SH2D4B: variants seen among roughly 807,000 people sequenced by gnomAD.
SH2D4B encodes the protein SH2 domain-containing protein 4B.
In SH2D4B, 45 loss-of-function variants were observed where a neutral mutation model predicts 61.5. The ratio of observed to expected loss-of-function variants is 0.73; its 90% CI spans 0.58 to 0.94. The LOEUF (loss-of-function observed/expected upper bound fraction) is 0.94, where lower values mean the gene tolerates loss of function less well. Ranked by LOEUF, SH2D4B falls within the 40% of genes least tolerant of loss-of-function variation. The probability of loss-of-function intolerance (pLI) is 0.00; values close to 1 mark genes in which losing one functional copy is unlikely to be tolerated. For missense variants in SH2D4B, 572 were observed against 574.2 expected (o/e 1.00, Z 0.04); for synonymous variants, 224 against 220.4 (o/e 1.02, Z -0.14).
At chr10:80,611,916 G>A (rs975950313) in intron 6 of SH2D4B, among the ~76,000 whole-genome samples, 2 of 151,970 alleles carry the variant, frequency 1.3e-5, no homozygotes, top group Non-Finnish European at 2.9e-5. Flanking sequence ...AAAAGTTGCT[G>A]TTACACAGGC....
intron 3 of SH2D4B, among the ~76,000 whole-genome samples, chr10:80,585,912 C>T (rs953475109): frequency 4.0e-4 from 60 of 151,818 alleles, no homozygotes; most frequent in Non-Finnish European, 8.8e-5. Context: ...CTGCACGTGG[C>T]GCTTGCGGGC....
At chr10:80,589,659 A>T (rs1052822597) in intron 4 of SH2D4B, among the ~76,000 whole-genome samples, 1 of 152,192 alleles carries the variant, frequency 6.6e-6, no homozygotes, top group Non-Finnish European at 1.5e-5. Flanking sequence ...CAGCAGACAG[A>T]TATATAGACT....
intron 3 of SH2D4B, among the ~76,000 whole-genome samples, chr10:80,571,842 G>A (rs910428351): frequency 2.0e-5 from 3 of 147,646 alleles, no homozygotes; most frequent in African/African-American, 7.5e-5. Flanking sequence ...GCGCAGTCTC[G>A]GCTCACTGCA....
intron 7 of SH2D4B, among the ~76,000 whole-genome samples, chr10:80,637,691 A>G (rs979835484): frequency 1.3e-5 from 2 of 152,226 alleles, no homozygotes; most frequent in Non-Finnish European, 2.9e-5. Context: ...TTGGGCTGAG[A>G]TGATGGGGTT....
intron 3 of SH2D4B, among the ~76,000 whole-genome samples, chr10:80,579,326 C>T (rs17107067): frequency 0.017 from 2,631 of 152,180 alleles, 65 homozygotes; most frequent in African/African-American, 0.059. Flanking sequence ...AGCTGGAAAC[C>T]GGTTTTTAAA....
chr10:80,644,227 T>C lies in SH2D4B; in HGVS notation c.*142T>C. On this transcript the variant is annotated 3_prime_UTR_variant, in exon 8 of 8. Coordinates refer to ENST00000646907, the MANE Select transcript of SH2D4B (RefSeq NM_001388272.1). Reference sequence around the variant, plus strand: ...GTAGATTAATATGCCTCAAGGGATATGACATCTATGGCATAGGGCTACTGG... The same window carrying C: ...GTAGATTAATATGCCTCAAGGGATACGACATCTATGGCATAGGGCTACTGG... 1 of 660,656 alleles carries C rather than the reference T, an allele frequency of 1.5e-6. No individual in the cohort carries two copies. The highest frequency in any genetic ancestry group is 1.9e-5 in the South Asian group (1 of 52,290). 40.9% of individuals were successfully genotyped at this position (660,656 alleles called of 1,614,324 possible).
At chr10:80,546,536 T>A (rs1841683244) in intron 1 of SH2D4B, among the ~76,000 whole-genome samples, 1 of 151,748 alleles carries the variant, frequency 6.6e-6, no homozygotes, top group Non-Finnish European at 1.5e-5. Flanking sequence ...ATTTTTTTTT[T>A]TTTTTTTGAT....
At chr10:80,568,450 A>G (rs1841998473) in intron 1 of SH2D4B, among the ~76,000 whole-genome samples, 1 of 152,166 alleles carries the variant, frequency 6.6e-6, no homozygotes, top group Admixed American at 6.5e-5. Context: ...GGCTAACAGC[A>G]GCCTCTGGGA....
chr10:80,606,872 T>C (rs932748316), intron 5 of SH2D4B, among the ~76,000 whole-genome samples: 1 of 152,234 alleles, frequency 6.6e-6, no homozygotes, highest in Non-Finnish European at 1.5e-5. Flanking sequence ...ATGATTATCA[T>C]AGCATTATTA....
intron 1 of SH2D4B, among the ~76,000 whole-genome samples, chr10:80,566,793 T>C (rs1238443032): frequency 6.6e-6 from 1 of 152,188 alleles, no homozygotes; most frequent in East Asian, 1.9e-4. Context: ...TTAGCAGGAT[T>C]GGTAATCCTC....
At chr10:80,627,048 C>T (rs1029594508) in intron 6 of SH2D4B, among the ~76,000 whole-genome samples, 1 of 152,144 alleles carries the variant, frequency 6.6e-6, no homozygotes, top group Admixed American at 6.5e-5. Flanking sequence ...CCAGATCGTG[C>T]CTAATGCTGG....
intron 3 of SH2D4B, among the ~76,000 whole-genome samples, chr10:80,585,759 G>A (rs539636392): frequency 6.6e-6 from 1 of 152,332 alleles, no homozygotes; most frequent in East Asian, 1.9e-4. Flanking sequence ...TCCTCTGCCT[G>A]GGCTCCCACT....
chr10:80,571,812 G>A (rs1842049984), intron 3 of SH2D4B, among the ~76,000 whole-genome samples: 1 of 135,632 alleles, frequency 7.4e-6, no homozygotes, highest in South Asian at 2.3e-4. Context: ...CTTGCTCGTC[G>A]CCCAGGCTGG....
intron 7 of SH2D4B, among the ~76,000 whole-genome samples, chr10:80,638,979 C>CAT (rs1445827464): frequency 2.0e-5 from 3 of 152,068 alleles, no homozygotes; most frequent in Admixed American, 1.3e-4. Flanking sequence ...GATTCTGGTA[C>CAT]GTTGTGTCTT....
At chr10:80,587,465 G>A (rs1842273457) in intron 3 of SH2D4B, among the ~76,000 whole-genome samples, 2 of 152,110 alleles carry the variant, frequency 1.3e-5, no homozygotes, top group Admixed American at 1.3e-4. Flanking sequence ...TTTTAGTAGA[G>A]ACGGGGTTTC....
At chr10:80,556,109 T>C (rs1841833996) in intron 1 of SH2D4B, among the ~76,000 whole-genome samples, 1 of 152,058 alleles carries the variant, frequency 6.6e-6, no homozygotes, top group African/African-American at 2.4e-5. Context: ...TGTGGACGTA[T>C]ATATGGTGCA....
chr10:80,544,202 GC>G (rs1841633504), intron 1 of SH2D4B, among the ~76,000 whole-genome samples: 1 of 152,118 alleles, frequency 6.6e-6, no homozygotes, highest in African/African-American at 2.4e-5. Flanking sequence ...CAGCAAGACC[GC>G]GAGCCCACGG....
chr10:80,560,198 A>G (rs1297193426), intron 1 of SH2D4B, among the ~76,000 whole-genome samples: 8 of 151,902 alleles, frequency 5.3e-5, no homozygotes, highest in Non-Finnish European at 1.2e-4. Flanking sequence ...CATGTTAGCC[A>G]GGATGGTCTC....
At chr10:80,643,940 G>A in intron 7 of SH2D4B, 53 bp from the exon 8 acceptor site, 4 of 1,375,208 alleles carry the variant, frequency 2.9e-6, no homozygotes, top group Non-Finnish European at 4.1e-6. Flanking sequence ...TCTCATAGAT[G>A]TGTATTTCCC....
Sources: gnomAD v4.1 joint callset for allele counts (sites outside exome capture counted in the v4.1 genomes callset) on GRCh38, gnomAD v4.1.1 for gene constraint, MANE v1.5 for transcripts, NCBI Gene and HGNC (gene_info 2026-07-23, HGNC 2026-07-21) for gene names.